The following RBPJ variants were observed in gnomAD, a reference collection of about 807,000 sequenced individuals.
RBPJ encodes recombination signal binding protein for immunoglobulin kappa J region.
Under a neutral mutation model 67.8 loss-of-function variants are expected in RBPJ, and 9 were observed. The ratio of observed to expected loss-of-function variants is 0.13; its 90% CI spans 0.08 to 0.23. The LOEUF (loss-of-function observed/expected upper bound fraction) is 0.23, where lower values mean the gene tolerates loss of function less well. Among genes scored for constraint, RBPJ ranks in the 10% least tolerant of loss-of-function variants. The pLI, the probability that RBPJ is intolerant of heterozygous loss-of-function variation, is 1.00. For synonymous variants in RBPJ, 198 were observed against 203.3 expected, an observed-to-expected ratio of 0.97 and a Z score of 0.22; for missense variants, 305 against 595.6, an observed-to-expected ratio of 0.51 and a Z score of 5.08.
chr4:26,302,211 G>C (rs990861262), intron 1 of RBPJ, among the ~76,000 whole-genome samples: 1 of 152,338 alleles, frequency 6.6e-6, no homozygotes, highest in East Asian at 1.9e-4. Flanking sequence ...CATTGGAGCT[G>C]TCAAGGAGTT....
intron 3 of RBPJ, 78 bp downstream of exon 3, chr4:26,406,348 G>C: frequency 1.1e-6 from 1 of 888,648 alleles, no homozygotes; most frequent in Non-Finnish European, 1.9e-6. Flanking sequence ...ATACATGTCA[G>C]AGGATGGCTT....
At chr4:26,117,582 C>T in the RBPJ span, among the ~76,000 whole-genome samples, 2 of 152,142 alleles carry the variant, frequency 1.3e-5, no homozygotes, top group African/African-American at 2.4e-5. Flanking sequence ...ATGGACTTTA[C>T]TGTCTATTCT....
At chr4:26,260,483 G>C (rs1169415388) in intron 1 of RBPJ, among the ~76,000 whole-genome samples, 1 of 151,404 alleles carries the variant, frequency 6.6e-6, no homozygotes, top group East Asian at 1.9e-4. Context: ...TGAATCTATA[G>C]TCAAAAATTT....
At chr4:26,261,751 T>C (rs573794430) in intron 1 of RBPJ, among the ~76,000 whole-genome samples, 1 of 152,324 alleles carries the variant, frequency 6.6e-6, no homozygotes, top group East Asian at 1.9e-4. Flanking sequence ...CAGGACTAGT[T>C]ATGTGATATC....
chr4:26,411,819 A>G (rs1734045083), intron 3 of RBPJ, among the ~76,000 whole-genome samples: 1 of 151,978 alleles, frequency 6.6e-6, no homozygotes. Flanking sequence ...AAGAAGTACC[A>G]TTTATGGGCC....
At chr4:26,128,718 A>C in the RBPJ span, among the ~76,000 whole-genome samples, 1 of 152,176 alleles carries the variant, frequency 6.6e-6, no homozygotes, top group Non-Finnish European at 1.5e-5. Flanking sequence ...GTCCCCACCC[A>C]AATCTCATCT....
chr4:26,320,901 GA>G (rs1239307683), upstream of RBPJ: 13 of 1,593,276 alleles, frequency 8.2e-6, 1 homozygote, highest in South Asian at 1.4e-4. Flanking sequence ...GCGGCGAGGG[GA>G]AAGGGAGCGC....
chr4:26,144,404 G>A, the RBPJ span, among the ~76,000 whole-genome samples: 1 of 151,466 alleles, frequency 6.6e-6, no homozygotes, highest in Non-Finnish European at 1.5e-5. Flanking sequence ...CGAGTAGCTG[G>A]GATTACAGGC....
At chr4:26,289,213 A>G (rs1721579285) in intron 1 of RBPJ, among the ~76,000 whole-genome samples, 2 of 149,636 alleles carry the variant, frequency 1.3e-5, no homozygotes, top group Admixed American at 1.3e-4. Flanking sequence ...CCTGGCCAAC[A>G]TAGTGAAACC....
intron 1 of RBPJ, among the ~76,000 whole-genome samples, chr4:26,178,449 T>C (rs755310115): frequency 6.6e-6 from 1 of 151,714 alleles, no homozygotes; most frequent in African/African-American, 2.4e-5. Flanking sequence ...TGTACAAAAA[T>C]TTTTTTTAAT....
rs959134155 is a variant in RBPJ at position 26,404,185 on chromosome 4, C to T, written c.60-1990C>T. On this transcript the variant is annotated intron_variant, in intron 2 of 10. Transcript: ENST00000355476. ...CACTTTTCATATGCTTGTTGGAACACTTTTGAAAAGTGTTCATATCCTTTG... is the reference window on the plus strand; with the variant it reads ...CACTTTTCATATGCTTGTTGGAACATTTTTGAAAAGTGTTCATATCCTTTG... Among the ~76,000 whole-genome samples, 4 of 151,954 alleles carry T rather than the reference C, an allele frequency of 2.6e-5. No individual in the cohort carries two copies. In the South Asian group the frequency reaches 8.3e-4, roughly 32 times the overall value.
chr4:26,303,440 G>GAA (rs61104406), intron 1 of RBPJ, among the ~76,000 whole-genome samples: 2 of 75,740 alleles, frequency 2.6e-5, no homozygotes, highest in Non-Finnish European at 5.4e-5. Context: ...ACTCCAGTCT[G>GAA]AAAAAAAAAA....
intron 5 of RBPJ, among the ~76,000 whole-genome samples, chr4:26,421,052 T>C (rs1445432906): frequency 2.6e-5 from 4 of 152,142 alleles, no homozygotes; most frequent in African/African-American, 4.8e-5. Context: ...TGTCCTGCAG[T>C]GTCCAAGGTA....
At chr4:26,124,415 CATATATATAT>C in the RBPJ span, among the ~76,000 whole-genome samples, 2,346 of 62,320 alleles carry the variant, frequency 0.038, 98 homozygotes, top group Middle Eastern at 0.061. Flanking sequence ...AGTATTCCAT[CATATATATAT>C]ATATATATAT....
the RBPJ span, among the ~76,000 whole-genome samples, chr4:26,111,711 G>C: frequency 6.6e-6 from 1 of 152,226 alleles, no homozygotes; most frequent in African/African-American, 2.4e-5. Flanking sequence ...GTGCAGGTGA[G>C]AGGTCTGGAA....
intron 1 of RBPJ, among the ~76,000 whole-genome samples, chr4:26,252,629 C>T (rs1018701902): frequency 6.6e-6 from 1 of 152,164 alleles, no homozygotes; most frequent in African/African-American, 2.4e-5. Context: ...TGAAAACTGA[C>T]TTAAATCAAT....
chr4:26,199,048 A>G (rs1304234076), intron 1 of RBPJ, among the ~76,000 whole-genome samples: 1 of 152,148 alleles, frequency 6.6e-6, no homozygotes, highest in Non-Finnish European at 1.5e-5. Context: ...TTCTTCCCCA[A>G]CTAAAACTCT....
intron 1 of RBPJ, among the ~76,000 whole-genome samples, chr4:26,220,435 T>G (rs1202555715): frequency 6.6e-6 from 1 of 152,184 alleles, no homozygotes; most frequent in East Asian, 1.9e-4. Context: ...AAATACCTAC[T>G]GGGCTCCTAC....
chr4:26,251,875 A>G (rs1199978114), intron 1 of RBPJ, among the ~76,000 whole-genome samples: 18 of 150,054 alleles, frequency 1.2e-4, no homozygotes, highest in Admixed American at 2.7e-4. Context: ...AAAAAAAAGA[A>G]GAGGAGGAGA....
Sources: allele counts gnomAD v4.1 joint callset (sites outside exome capture counted in the v4.1 genomes callset), GRCh38; gene constraint gnomAD v4.1.1; transcripts MANE v1.5; gene names NCBI Gene and HGNC (gene_info 2026-07-23, HGNC 2026-07-21).